Variants in AQR observed in about 807,000 individuals in gnomAD.
AQR encodes aquarius intron-binding spliceosomal factor, also known as RNA helicase aquarius.
In AQR, 61 loss-of-function variants were observed where a neutral mutation model predicts 180.5. The ratio of observed to expected loss-of-function variants is 0.34; its 90% CI spans 0.28 to 0.42. The LOEUF is 0.42. AQR is among the 10% of genes least tolerant of loss of function. The pLI, the probability that AQR is intolerant of heterozygous loss-of-function variation, is 1.00. For missense variants in AQR, 1,281 were observed against 1,798.3 expected (o/e 0.71, Z 5.20); for synonymous variants, 551 against 588.8 (o/e 0.94, Z 0.93).
At chr15:34,938,425 C>A (rs1330643322) in intron 9 of AQR, among the ~76,000 whole-genome samples, 2 of 152,002 alleles carry the variant, frequency 1.3e-5, no homozygotes, top group Non-Finnish European at 2.9e-5. Flanking sequence ...CCCAGCTACT[C>A]GGGAGGCTGA....
chr15:34,952,827 T>A, intron 4 of AQR, 58 bp downstream of exon 4: 1 of 1,214,428 alleles, frequency 8.2e-7, no homozygotes, highest in Non-Finnish European at 1.2e-6. Context: ...ACACAGAAAA[T>A]TTAGCTAAAA....
intron 19 of AQR, 67 bp from the exon 20 acceptor site, chr15:34,900,930 T>C: frequency 2.0e-6 from 3 of 1,515,290 alleles, no homozygotes; most frequent in Admixed American, 2.1e-5. Flanking sequence ...CTTACTGGAA[T>C]GCAGAGCTGG....
At chr15:34,866,851 T>C (rs961361971) in intron 32 of AQR, among the ~76,000 whole-genome samples, 2 of 152,152 alleles carry the variant, frequency 1.3e-5, no homozygotes, top group East Asian at 3.8e-4. Flanking sequence ...GATCACTGGG[T>C]TAAGCTCCAA....
At position 34,943,210 on chromosome 15, in the gene AQR, A is replaced by C. The variant is rs750264650; in HGVS notation, c.471+1078T>G. Reference sequence around the variant, plus strand: ...CAGGGAAAGCGGCGTTATGACAGGAAGCAGAGTGGCTATGGTGGGCAAACT... The same window carrying C: ...CAGGGAAAGCGGCGTTATGACAGGACGCAGAGTGGCTATGGTGGGCAAACT... On this transcript the variant is annotated intron_variant, in intron 6 of 34. Transcript: ENST00000156471. 15 of 1,610,566 alleles carry C rather than the reference A, an allele frequency of 9.3e-6. No homozygotes were observed. The Middle Eastern group carries it at 2.1e-3, about 229-fold the overall frequency.
At chr15:34,880,548 A>T (rs1417405080) in intron 27 of AQR, among the ~76,000 whole-genome samples, 1 of 152,208 alleles carries the variant, frequency 6.6e-6, no homozygotes, top group African/African-American at 2.4e-5. Context: ...AAAAGGCGAA[A>T]ATCATTAATT....
At chr15:34,930,140 T>A in intron 12 of AQR, 118 bp downstream of exon 12, 1 of 543,756 alleles carries the variant, frequency 1.8e-6, no homozygotes, top group Non-Finnish European at 3.2e-6. Context: ...GTTAAAAATG[T>A]TGAATATAAA....
chr15:34,920,514 T>A, intron 13 of AQR, 80 bp from the exon 14 acceptor site: 1 of 1,065,116 alleles, frequency 9.4e-7, no homozygotes, highest in Non-Finnish European at 1.4e-6. Flanking sequence ...ACAAATAGCT[T>A]AAAAAAGCAA....
chr15:34,949,149 C>A (rs1042005921), intron 4 of AQR, among the ~76,000 whole-genome samples: 10 of 151,776 alleles, frequency 6.6e-5, no homozygotes, highest in African/African-American at 2.4e-4. Context: ...TGTGCCACCA[C>A]GCCCGGCTAA....
In AQR at chr15:34,890,128, TTCA is replaced by T. The variant is rs1893121076; in HGVS notation, c.2681+84_2681+86del. 3.4e-6 allele frequency: 4 copies of T among 1,162,652 alleles called. No homozygotes were observed. The African/African-American group carries it at 4.7e-5, about 14-fold the overall frequency. 72.0% of individuals were successfully genotyped at this position (1,162,652 alleles called of 1,614,324 possible). A position where few individuals can be genotyped will look rare whatever the true frequency, so the allele number is the denominator to read the frequency against. On this transcript the variant is annotated intron_variant, in intron 24 of 34. Coordinates refer to ENST00000156471, the MANE Select transcript of AQR (RefSeq NM_014691.3). ...AACCTTTCAGAATTAAGTTTCAGTA[TTCA>T]TTGCTTTCTTCTTCTTTAATAAAAG... is the stretch of plus-strand genomic sequence containing the variant.
Position 34,906,626 on chromosome 15 carries a change from T to C in AQR, c.1750A>G (p.Ile584Val), listed in dbSNP as rs1248227237. 2.5e-6 allele frequency: 4 copies of C among 1,613,966 alleles called. No homozygotes were observed. The highest frequency in any genetic ancestry group is 3.4e-6 in the Non-Finnish European group (4 of 1,180,002). Residue 584 changes from isoleucine to valine, a missense_variant, in exon 18 of 35, where the codon ATT becomes GTT. Around this residue, in one of 9 missense-constraint regions of AQR, gnomAD observed 200 missense variants for 293.4 expected, o/e 0.68. Transcript: ENST00000156471. ...ACATAAACCAGGCCAACCTGCTCAA[T>C]AAAAGGTCTCCTCCGGTCAAACTTA... ...GTKFDRRRPF[I>V]EQVGLVYVRG...
intron 16 of AQR, among the ~76,000 whole-genome samples, chr15:34,911,366 A>C (rs1464598223): frequency 6.6e-6 from 1 of 152,200 alleles, no homozygotes; most frequent in African/African-American, 2.4e-5. Context: ...AGGAACCTCC[A>C]TACTGCTTTC....
chr15:34,945,923 G>A (rs1894106033), intron 5 of AQR, among the ~76,000 whole-genome samples: 1 of 152,166 alleles, frequency 6.6e-6, no homozygotes, highest in South Asian at 2.1e-4. Flanking sequence ...GCACAAAAAG[G>A]AAACATCAGT....
intron 4 of AQR, 28 bp from the exon 5 acceptor site, chr15:34,948,412 T>C: frequency 6.2e-7 from 1 of 1,604,846 alleles, no homozygotes; most frequent in Non-Finnish European, 8.5e-7. Flanking sequence ...CATAGAATAC[T>C]TCATTAGTTA....
chr15:34,877,255 A>G (rs1009345156), intron 27 of AQR, among the ~76,000 whole-genome samples: 6 of 152,194 alleles, frequency 3.9e-5, no homozygotes, highest in Non-Finnish European at 8.8e-5. Flanking sequence ...ACTTAGTATG[A>G]CATCTTGTTT....
intron 3 of AQR, among the ~76,000 whole-genome samples, chr15:34,957,180 G>A (rs558535301): frequency 1.3e-4 from 19 of 151,698 alleles, no homozygotes; most frequent in African/African-American, 3.9e-4. Flanking sequence ...TTTTTCAGAC[G>A]GAGTCTTGCT....
intron 20 of AQR, among the ~76,000 whole-genome samples, chr15:34,900,011 G>A (rs977903984): frequency 6.6e-6 from 1 of 152,060 alleles, no homozygotes; most frequent in Non-Finnish European, 1.5e-5. Context: ...TCCTGCCTCA[G>A]CCTCCTGAGT....
chr15:34,890,447 C>A (rs1893127273), intron 23 of AQR, 123 bp from the exon 24 acceptor site: 1 of 745,070 alleles, frequency 1.3e-6, no homozygotes. Flanking sequence ...ATAATTTAAT[C>A]AAATAGTATT....
chr15:34,853,501 C>T lies in AQR; in HGVS notation c.*3291G>A, dbSNP rs939969012. 2.0e-5 allele frequency: 3 copies of T among 152,106 alleles called. No homozygotes were observed. The highest frequency in any genetic ancestry group is 2.9e-5 in the Non-Finnish European group (2 of 68,016). The allele number at this position is 152,106 out of a possible 1,614,324, so 9.4% of individuals were successfully genotyped here. The stretch of plus-strand genomic sequence containing the variant: ...TTTTAATTTTGGCAGAGATCACTCT[C>T]GATGTTATGATGTACTGATTCAGAG... On this transcript the variant is annotated 3_prime_UTR_variant, in exon 35 of 35. Coordinates refer to ENST00000156471, the MANE Select transcript of AQR (RefSeq NM_014691.3).
chr15:34,905,858 G>A (rs1893404981), intron 18 of AQR, among the ~76,000 whole-genome samples: 1 of 152,052 alleles, frequency 6.6e-6, no homozygotes, highest in East Asian at 1.9e-4. Flanking sequence ...CCAACATGGT[G>A]AAACTCTGTC....
Sources: gnomAD v4.1 joint callset for allele counts (sites outside exome capture counted in the v4.1 genomes callset) on GRCh38, gnomAD v4.1.1 for gene constraint, gnomAD v4.1.1 regional missense constraint, MANE v1.5 for transcripts, NCBI Gene and HGNC (gene_info 2026-07-23, HGNC 2026-07-21) for gene names.